CAMSAP1: variants seen among roughly 807,000 people sequenced by gnomAD.
CAMSAP1 encodes the protein calmodulin-regulated spectrin-associated protein 1.
A neutral mutation model predicts 143.5 loss-of-function variants in CAMSAP1; 58 were observed. That is an observed-to-expected ratio of 0.40 (90% CI 0.33 to 0.50). The LOEUF (loss-of-function observed/expected upper bound fraction) is 0.50, where lower values mean the gene tolerates loss of function less well. Ranked by LOEUF, CAMSAP1 falls within the 20% of genes least tolerant of loss-of-function variation. CAMSAP1 has a pLI of 0.45. For synonymous variants in CAMSAP1, 945 were observed against 859.3 expected (o/e 1.10, Z -1.74); for missense variants, 1,969 against 2,115.7 (o/e 0.93, Z 1.36).
intron 1 of CAMSAP1, among the ~76,000 whole-genome samples, chr9:135,890,009 A>C (rs1307089692): frequency 6.6e-6 from 1 of 152,212 alleles, no homozygotes; most frequent in Non-Finnish European, 1.5e-5. Flanking sequence ...GGCATGGAGC[A>C]AAGGTGGGCA....
At position 135,822,184 on chromosome 9, in the gene CAMSAP1, T is replaced by C; in HGVS notation, c.2477A>G (p.Asn826Ser). Residue 826 changes from asparagine (N) to serine (S), a missense_variant, in exon 11 of 17, where the codon AAC (asparagine) becomes AGC (serine). Around this residue, in one of 4 missense-constraint regions of CAMSAP1, gnomAD observed 1,390 missense variants for 1,420.8 expected, o/e 0.98. Coordinates refer to ENST00000389532, the MANE Select transcript of CAMSAP1 (RefSeq NM_015447.4). This position sits in a 1 kb window ranked among gnomAD's most constrained non-coding sequence, Gnocchi z 6.1. ...SFAERKLQRL[N>S]SCETKSSTSS... is the part of the protein sequence containing the mutation. Reference sequence around the variant, plus strand: ...GGTGCTGGACTTGGTCTCACAGCTGTTGAGTCTCTGGAGCTTCCTCTCCGC... The same window carrying C: ...GGTGCTGGACTTGGTCTCACAGCTGCTGAGTCTCTGGAGCTTCCTCTCCGC... 1 of 1,613,920 alleles carries C rather than the reference T, an allele frequency of 6.2e-7. No individual in the cohort carries two copies. Among genetic ancestry groups the C allele is most frequent in the South Asian group, 1.1e-5 (1 of 91,092 alleles).
rs538715982 is a variant in CAMSAP1, at chr9:135,901,927, C to G, written c.160+5073G>C. ...AATCTACTCAGTACACCCGAAGACA[C>G]CTCTCCTCTGCACAGGGCTGTAGCC... On this transcript the variant is annotated intron_variant, in intron 1 of 16. Transcript: ENST00000389532. 1.2e-3 allele frequency among the ~76,000 whole-genome samples: 179 copies of G among 152,342 alleles called. 1 individual carries two copies. The highest frequency in any genetic ancestry group is 1.8e-3 in the Non-Finnish European group (124 of 68,040).
rs142864675 is a variant in CAMSAP1, at chr9:135,879,001, A to C, written c.585+2632T>G. 1.7e-4 allele frequency among the ~76,000 whole-genome samples: 26 copies of C among 152,346 alleles called. No individual in the cohort carries two copies. The East Asian group carries it at 1.9e-3, about 11-fold the overall frequency. On this transcript the variant is annotated intron_variant, in intron 3 of 16. Coordinates refer to ENST00000389532, the MANE Select transcript of CAMSAP1 (RefSeq NM_015447.4). ...CAAAGCATAATACAAGGAAAGGAAC[A>C]TGAGTTGTGAAAATGGGCGCCTGAC...
At chr9:135,851,228 A>C (rs942437092) in intron 5 of CAMSAP1, among the ~76,000 whole-genome samples, 1 of 152,232 alleles carries the variant, frequency 6.6e-6, no homozygotes, top group South Asian at 2.1e-4. Flanking sequence ...TTGCCTGTAA[A>C]TATATACATA....
chr9:135,895,988 G>A (rs1252851259), intron 1 of CAMSAP1, among the ~76,000 whole-genome samples: 1 of 151,934 alleles, frequency 6.6e-6, no homozygotes, highest in African/African-American at 2.4e-5. Flanking sequence ...AGAAACAGAG[G>A]AAACAAACAG....
chr9:135,867,470 C>A (rs553927877), intron 3 of CAMSAP1, among the ~76,000 whole-genome samples: 25 of 132,682 alleles, frequency 1.9e-4, no homozygotes, highest in African/African-American at 7.0e-4. Flanking sequence ...CACAGCAAGA[C>A]CCCCCTCTTT....
intron 5 of CAMSAP1, among the ~76,000 whole-genome samples, chr9:135,859,124 G>A (rs1032707901): frequency 7.2e-5 from 11 of 152,216 alleles, no homozygotes; most frequent in African/African-American, 2.7e-4. Flanking sequence ...CTTCTAGTTG[G>A]TGAGTTCTCA....
At chr9:135,878,833 A>G (rs938749622) in intron 3 of CAMSAP1, among the ~76,000 whole-genome samples, 3 of 152,240 alleles carry the variant, frequency 2.0e-5, no homozygotes, top group Non-Finnish European at 4.4e-5. Flanking sequence ...ATAAGGAGAA[A>G]CCACTAACGT....
chr9:135,881,900 C>T, intron 2 of CAMSAP1, 106 bp from the exon 3 acceptor site: 2 of 1,343,046 alleles, frequency 1.5e-6, no homozygotes, highest in Non-Finnish European at 2.0e-6. Flanking sequence ...TTTCTTCATC[C>T]CTCGCCCTTT....
Position 135,811,336 on chromosome 9 carries a change from C to T in CAMSAP1, c.4782G>A (p.Val1594=). The stretch of plus-strand genomic sequence containing the variant: ...ATTTACGAGTCTGGGCCTTCTTTGG[C>T]ACTGCAGGCCGCTTGGGCTGCCACA... ...NHLWQPKRPA[V]PKKAQTRK Residue 1594 remains valine, a synonymous_variant, in exon 17 of 17, where the codon GTG becomes GTA. Transcript: ENST00000389532. The surrounding 1 kb of genome is among the most constrained non-coding windows in gnomAD (Gnocchi z 4.9). 6.2e-7 allele frequency: 1 copy of T among 1,612,918 alleles called. No homozygotes were observed. Among genetic ancestry groups the T allele is most frequent in the Non-Finnish European group, 8.5e-7 (1 of 1,179,444 alleles).
At chr9:135,816,362 T>C (rs879386189) in intron 14 of CAMSAP1, among the ~76,000 whole-genome samples, 3 of 152,006 alleles carry the variant, frequency 2.0e-5, no homozygotes, top group Admixed American at 2.0e-4. Context: ...AGGATGAAGT[T>C]TGGGCCACCT....
intron 7 of CAMSAP1, among the ~76,000 whole-genome samples, chr9:135,834,845 G>C (rs999065315): frequency 2.6e-5 from 4 of 152,128 alleles, no homozygotes. Flanking sequence ...CTATGTATAC[G>C]TGTATCAAAA....
At chr9:135,860,284 G>C (rs1276019083) in intron 5 of CAMSAP1, among the ~76,000 whole-genome samples, 2 of 151,294 alleles carry the variant, frequency 1.3e-5, no homozygotes, top group Middle Eastern at 3.4e-3. Context: ...CAGGGAGAAT[G>C]TAAGAGATGA....
At position 135,811,444 on chromosome 9, in the gene CAMSAP1, GTATT is replaced by G; in HGVS notation, c.4670_4673del (p.Lys1557ThrfsTer10). On this transcript the variant is annotated frameshift_variant, in exon 17 of 17. Coordinates refer to ENST00000389532, the MANE Select transcript of CAMSAP1 (RefSeq NM_015447.4). LOFTEE classifies it high-confidence loss of function. The surrounding 1 kb of genome is among the most constrained non-coding windows in gnomAD (Gnocchi z 4.9). Reference sequence around the variant, plus strand: ...AGTTAAACTGTTTTCGGTCTGAGCTGTATTTATACAGTTTGTCGATCATTTTCTT... The same window carrying G: ...AGTTAAACTGTTTTCGGTCTGAGCTGTATACAGTTTGTCGATCATTTTCTT... The G allele has an allele frequency of 6.2e-7, 1 of 1,612,666 alleles. No homozygotes were observed. The highest frequency in any genetic ancestry group is 8.5e-7 in the Non-Finnish European group (1 of 1,179,272).
chr9:135,856,009 A>G (rs143135741), intron 5 of CAMSAP1, among the ~76,000 whole-genome samples: 7,772 of 151,894 alleles, frequency 0.051, 273 homozygotes, highest in East Asian at 0.14. Context: ...CCGAGATCGT[A>G]CCACTGCACT....
chr9:135,886,692 G>A (rs903789760), intron 1 of CAMSAP1, among the ~76,000 whole-genome samples: 1 of 152,178 alleles, frequency 6.6e-6, no homozygotes, highest in Non-Finnish European at 1.5e-5. Flanking sequence ...GCCAGAGGAC[G>A]AGGAGATCCC....
At chr9:135,890,949 A>G (rs1838271629) in intron 1 of CAMSAP1, among the ~76,000 whole-genome samples, 1 of 152,206 alleles carries the variant, frequency 6.6e-6, no homozygotes, top group Non-Finnish European at 1.5e-5. Context: ...TGGACAAAAG[A>G]CAAACACCTA....
Position 135,822,416 on chromosome 9 carries a change from C to T in CAMSAP1, c.2245G>A (p.Glu749Lys), listed in dbSNP as rs754501371. ...DSDVVDIEEA[E>K]HDFMGEAHPV... ...TGGGCCTCACCCATGAAATCGTGCT[C>T]GGCTTCCTCTATGTCCACCACATCC... Residue 749 changes from glutamate to lysine, a missense_variant, in exon 11 of 17, where the codon GAG becomes AAG. Physicochemically the swap from Glu to Lys is moderately conservative, Grantham distance 56. This residue lies in a region of CAMSAP1 where 1,390 missense variants were observed against 1,420.8 expected (regional missense o/e 0.98). Transcript: ENST00000389532. The surrounding 1 kb of genome is among the most constrained non-coding windows in gnomAD (Gnocchi z 6.1). 10 of 1,613,998 alleles carry T rather than the reference C, an allele frequency of 6.2e-6. No individual in the cohort carries two copies. Among genetic ancestry groups the T allele is most frequent in the South Asian group, 3.3e-5 (3 of 91,086 alleles).
At chr9:135,817,735 A>T in intron 14 of CAMSAP1, 4 of 478,482 alleles carry the variant, frequency 8.4e-6, no homozygotes, top group South Asian at 4.5e-5. Context: ...GCAGGTGTGC[A>T]CGTGTGGGGT....
Sources: allele counts gnomAD v4.1 joint callset (sites outside exome capture counted in the v4.1 genomes callset), GRCh38; gene constraint gnomAD v4.1.1; regional missense constraint gnomAD v4.1.1; non-coding constraint Gnocchi (gnomAD v3.1); transcripts MANE v1.5; gene names NCBI Gene and HGNC (gene_info 2026-07-23, HGNC 2026-07-21).